Variants in CDH12 observed in about 807,000 individuals in gnomAD.
CDH12 encodes the protein cadherin 12.
Under a neutral mutation model 74.1 loss-of-function variants are expected in CDH12, and 41 were observed. That is an observed-to-expected ratio of 0.55 (90% CI 0.43 to 0.72). The LOEUF (loss-of-function observed/expected upper bound fraction) is 0.72. Ranked by LOEUF, CDH12 falls within the 30% of genes least tolerant of loss-of-function variation. The pLI is 0.00. For missense variants in CDH12, 945 were observed against 977.2 expected (o/e 0.97, Z 0.44); for synonymous variants, 399 against 355.0 (o/e 1.12, Z -1.39).
chr5:22,788,476 C>A (rs1747751335), intron 1 of CDH12, among the ~76,000 whole-genome samples: 1 of 150,408 alleles, frequency 6.6e-6, no homozygotes, highest in Non-Finnish European at 1.5e-5. Flanking sequence ...AATTAAAATG[C>A]ATTGAATACT....
intron 1 of CDH12, among the ~76,000 whole-genome samples, chr5:22,551,304 T>C (rs1391653473): frequency 6.6e-6 from 1 of 152,194 alleles, no homozygotes; most frequent in Non-Finnish European, 1.5e-5. Context: ...CACCTTGGTC[T>C]TAGACTTTGA....
intron 1 of CDH12, among the ~76,000 whole-genome samples, chr5:22,749,089 T>C (rs1195772862): frequency 6.6e-6 from 1 of 152,244 alleles, no homozygotes; most frequent in Non-Finnish European, 1.5e-5. Flanking sequence ...GAGGGGCTAA[T>C]TGTGCAATAT....
At chr5:22,425,619 A>G (rs1422591813) in intron 2 of CDH12, among the ~76,000 whole-genome samples, 1 of 152,080 alleles carries the variant, frequency 6.6e-6, no homozygotes, top group Non-Finnish European at 1.5e-5. Context: ...CATAGCTCAC[A>G]TATCTAAAAT....
intron 3 of CDH12, among the ~76,000 whole-genome samples, chr5:22,385,465 A>G (rs1741957706): frequency 1.3e-5 from 2 of 152,168 alleles, no homozygotes; most frequent in Non-Finnish European, 2.9e-5. Flanking sequence ...AAAACTTCCA[A>G]TTGTATAATC....
In CDH12 at chr5:22,093,770, T is replaced by C. The variant is rs58068025; in HGVS notation, c.-186-14908A>G. ...CTTTAAATAGGTGGATTGTGTGATATGGAAGTTATATCGCAATAAAGTTGT... is the reference window on the plus strand; with the variant it reads ...CTTTAAATAGGTGGATTGTGTGATACGGAAGTTATATCGCAATAAAGTTGT... On this transcript the variant is annotated intron_variant, in intron 4 of 14. Coordinates refer to ENST00000382254, the MANE Select transcript of CDH12 (RefSeq NM_004061.5). Among the ~76,000 whole-genome samples, 1,291 of 152,308 alleles carry C rather than the reference T, an allele frequency of 8.5e-3. 16 individuals carry two copies. Among genetic ancestry groups the C allele is most frequent in the African/African-American group, 0.03 (1,228 of 41,556 alleles).
intron 4 of CDH12, chr5:22,141,317 C>A (rs1746779754): frequency 6.6e-6 from 1 of 152,168 alleles, no homozygotes; most frequent in Admixed American, 6.6e-5. Context: ...AAATGTTATA[C>A]TATCTATGTG....
chr5:22,751,633 G>T (rs1745582203), intron 1 of CDH12, among the ~76,000 whole-genome samples: 1 of 152,020 alleles, frequency 6.6e-6, no homozygotes, highest in Non-Finnish European at 1.5e-5. Context: ...GGAGGTGTTT[G>T]TAAAAAGTTC....
chr5:22,475,357 TAACC>T (rs1442378761), intron 2 of CDH12, among the ~76,000 whole-genome samples: 1 of 151,974 alleles, frequency 6.6e-6, no homozygotes, highest in Non-Finnish European at 1.5e-5. Context: ...AAAAAATAAC[TAACC>T]GATTAATAGG....
chr5:21,989,495 AG>A (rs1757658121), intron 5 of CDH12, among the ~76,000 whole-genome samples: 1 of 152,182 alleles, frequency 6.6e-6, no homozygotes, highest in Non-Finnish European at 1.5e-5. Flanking sequence ...CTTGACTAAA[AG>A]TAGATGACAT....
intron 1 of CDH12, among the ~76,000 whole-genome samples, chr5:22,755,030 G>C (rs983318513): frequency 1.3e-5 from 2 of 152,048 alleles, no homozygotes; most frequent in Non-Finnish European, 2.9e-5. Context: ...TGATGCCTTT[G>C]TTTTCAAATG....
chr5:22,083,856 C>T (rs148942696), intron 4 of CDH12, among the ~76,000 whole-genome samples: 4 of 152,170 alleles, frequency 2.6e-5, no homozygotes, highest in African/African-American at 9.6e-5. Flanking sequence ...AATATGTGCC[C>T]GCAAACTTGA....
At chr5:22,751,463 AT>A (rs1257882489) in intron 1 of CDH12, among the ~76,000 whole-genome samples, 1 of 151,476 alleles carries the variant, frequency 6.6e-6, no homozygotes, top group East Asian at 1.9e-4. Flanking sequence ...TTCCATGATA[AT>A]TTTTTATAGT....
chr5:22,455,661 T>A (rs1468172350), intron 2 of CDH12, among the ~76,000 whole-genome samples: 1 of 152,138 alleles, frequency 6.6e-6, no homozygotes, highest in Non-Finnish European at 1.5e-5. Flanking sequence ...CTGGAAGTGA[T>A]CAGCACATAG....
chr5:22,154,287 T>C (rs1224104563), intron 4 of CDH12, among the ~76,000 whole-genome samples: 1 of 151,478 alleles, frequency 6.6e-6, no homozygotes, highest in Non-Finnish European at 1.5e-5. Flanking sequence ...TTATACAATA[T>C]AGTATTACTA....
chr5:22,092,889 T>A (rs1277797007), intron 4 of CDH12, among the ~76,000 whole-genome samples: 1 of 152,164 alleles, frequency 6.6e-6, no homozygotes, highest in African/African-American at 2.4e-5. Flanking sequence ...CAAAATCTCA[T>A]ATATTCATAT....
chr5:22,164,781 A>G (rs867596938), intron 4 of CDH12, among the ~76,000 whole-genome samples: 3 of 144,142 alleles, frequency 2.1e-5, no homozygotes, highest in African/African-American at 7.8e-5. Flanking sequence ...CTGTGAGCTC[A>G]GTTGCAAGCC....
chr5:22,138,838 T>C (rs977617512), intron 4 of CDH12, among the ~76,000 whole-genome samples: 7 of 67,850 alleles, frequency 1.0e-4, no homozygotes, highest in African/African-American at 3.6e-4. Context: ...TGTGTACATA[T>C]ATACGTAATA....
intron 4 of CDH12, among the ~76,000 whole-genome samples, chr5:22,100,686 C>CACACACACAT (rs1400105163): frequency 6.6e-6 from 1 of 151,554 alleles, no homozygotes; most frequent in Non-Finnish European, 1.5e-5. Context: ...CACACACACA[C>CACACACACAT]ATACACTCTT....
chr5:22,372,332 C>T (rs1230515369), intron 3 of CDH12, among the ~76,000 whole-genome samples: 1 of 152,132 alleles, frequency 6.6e-6, no homozygotes, highest in Non-Finnish European at 1.5e-5. Context: ...ACCAGGCAGC[C>T]TGCTTGGCAG....
Sources: gnomAD v4.1 joint callset for allele counts (sites outside exome capture counted in the v4.1 genomes callset) on GRCh38, gnomAD v4.1.1 for gene constraint, MANE v1.5 for transcripts, NCBI Gene and HGNC (gene_info 2026-07-23, HGNC 2026-07-21) for gene names.